The following CHD7 variants were observed in gnomAD, a reference collection of about 807,000 sequenced individuals.
The protein encoded by CHD7 is chromodomain helicase DNA binding protein 7, also known as ATP-dependent chromatin remodeler CHD7.
Under a neutral mutation model 307.3 loss-of-function variants are expected in CHD7, and 24 were observed. The observed-to-expected ratio is 0.08, with a 90% CI of 0.06 to 0.11. CHD7 has a LOEUF of 0.11. Among genes scored for constraint, CHD7 ranks in the 10% least tolerant of loss-of-function variants. The probability of loss-of-function intolerance (pLI) is 1.00; values close to 1 mark genes in which losing one functional copy is unlikely to be tolerated. For synonymous variants in CHD7, 1,363 were observed against 1,349.9 expected, an observed-to-expected ratio of 1.01 and a Z score of -0.21; for missense variants, 3,106 against 3,727.1, an observed-to-expected ratio of 0.83 and a Z score of 4.34.
At chr8:60,740,251 C>T (rs1175568747) in intron 1 of CHD7, among the ~76,000 whole-genome samples, 2 of 152,198 alleles carry the variant, frequency 1.3e-5, no homozygotes, top group African/African-American at 2.4e-5. Flanking sequence ...CCTGCCTTGT[C>T]CCAAAAGGAC....
At chr8:60,744,511 GATA>G (rs1809223861) in intron 2 of CHD7, among the ~76,000 whole-genome samples, 1 of 121,858 alleles carries the variant, frequency 8.2e-6, no homozygotes, top group African/African-American at 3.4e-5. Flanking sequence ...TTTTAGTGGT[GATA>G]ATTGTCTTCT....
At chr8:60,718,147 T>A (rs1260872168) in intron 1 of CHD7, among the ~76,000 whole-genome samples, 1 of 152,122 alleles carries the variant, frequency 6.6e-6, no homozygotes, top group Admixed American at 6.5e-5. Context: ...CCTGTGTAGG[T>A]CTAGGCTAAT....
chr8:60,719,680 C>A (rs1353534583), intron 1 of CHD7, among the ~76,000 whole-genome samples: 1 of 152,096 alleles, frequency 6.6e-6, no homozygotes, highest in Non-Finnish European at 1.5e-5. Context: ...ACTGGGGGAC[C>A]CTCCTCATTC....
At chr8:60,828,932 T>G (rs1338762115) in intron 14 of CHD7, 126 bp downstream of exon 14, 3 of 779,064 alleles carry the variant, frequency 3.9e-6, no homozygotes, top group Non-Finnish European at 4.0e-6. Flanking sequence ...CACAGAACCT[T>G]AGATACCCTT....
At chr8:60,844,507 C>G (rs940772363) in intron 21 of CHD7, among the ~76,000 whole-genome samples, 1 of 152,122 alleles carries the variant, frequency 6.6e-6, no homozygotes, top group South Asian at 2.1e-4. Flanking sequence ...TGGTCAACAT[C>G]AAAATGTACT....
chr8:60,728,515 A>C (rs144009892), intron 1 of CHD7, among the ~76,000 whole-genome samples: 1 of 152,304 alleles, frequency 6.6e-6, no homozygotes, highest in East Asian at 1.9e-4. Context: ...AGTGAGAGAC[A>C]TAAAAGGCAA....
At chr8:60,698,376 A>T (rs1039097667) in intron 1 of CHD7, among the ~76,000 whole-genome samples, 8 of 152,166 alleles carry the variant, frequency 5.3e-5, no homozygotes, top group African/African-American at 1.4e-4. Context: ...ATGTCAGAGA[A>T]TCCTCCTCCA....
Position 60,853,395 on chromosome 8 carries a change from G to C in CHD7, c.6670G>C (p.Gly2224Arg). The change falls in exon 31 of 38, where the codon GGC (glycine) becomes CGC (arginine). Residue 2224 changes from glycine to arginine, a missense_variant. Transcript: ENST00000423902. ...AAATGAACTGAAAGGTGTTGAGGTCGGCGCAGACACTGGGTCCAAATCTAT... is the reference window on the plus strand; with the variant it reads ...AAATGAACTGAAAGGTGTTGAGGTCCGCGCAGACACTGGGTCCAAATCTAT... Reference protein sequence around the residue: ...VKNELKGVEVGADTGSKSISE... With the variant: ...VKNELKGVEVRADTGSKSISE... The C allele has an allele frequency of 6.5e-7, 1 of 1,536,582 alleles. No individual in the cohort carries two copies. Among genetic ancestry groups the C allele is most frequent in the Non-Finnish European group, 8.7e-7 (1 of 1,145,716 alleles).
intron 2 of CHD7, among the ~76,000 whole-genome samples, chr8:60,769,757 A>G (rs1457086594): frequency 1.3e-5 from 2 of 152,186 alleles, no homozygotes; most frequent in Admixed American, 1.3e-4. Flanking sequence ...TGTGATTCTA[A>G]TACTGTGACT....
Position 60,844,955 on chromosome 8 carries a change from G to C in CHD7, c.4942G>C (p.Val1648Leu). The change falls in exon 22 of 38, where the codon GTG (valine) becomes CTG (leucine). Residue 1648 changes from valine to leucine, a missense_variant. Around this residue, in one of 10 missense-constraint regions of CHD7, gnomAD observed 28 missense variants for 64.7 expected, o/e 0.43. Transcript: ENST00000423902. ...DVETICRTIL[V>L]YCLNHYKGDE... ...AGAAACCATCTGCAGAACCATCCTG[G>C]TGTACTGTCTTAATCATTACAAAGG... 1 of 1,613,912 alleles carries C rather than the reference G, an allele frequency of 6.2e-7. No homozygotes were observed. The highest frequency in any genetic ancestry group is 1.3e-5 in the African/African-American group (1 of 75,036).
chr8:60,800,365 A>C (rs757413228), intron 4 of CHD7, 23 bp from the exon 5 acceptor site: 58 of 1,608,702 alleles, frequency 3.6e-5, no homozygotes, highest in Non-Finnish European at 4.3e-5. Flanking sequence ...TTTCAAGGCC[A>C]CTGTCTTGGG....
At position 60,865,306 on chromosome 8, in the gene CHD7, G is replaced by T; in HGVS notation, c.8367G>T (p.Ala2789=). Residue 2789 remains alanine, a synonymous_variant, in exon 38 of 38, where the codon GCG becomes GCT. Transcript: ENST00000423902. This position sits in a 1 kb window ranked among gnomAD's most constrained non-coding sequence, Gnocchi z 4.3. ...LATAATAGGD[A]KNPAAVLPLM... is the part of the protein sequence containing the mutation. The stretch of plus-strand genomic sequence containing the variant: ...CAGCTGCCACCGCCGGAGGCGATGC[G>T]AAGAACCCTGCTGCTGTGCTGCCCC... 6.2e-7 allele frequency: 1 copy of T among 1,611,196 alleles called. No homozygotes were observed. Among genetic ancestry groups the T allele is most frequent in the South Asian group, 1.1e-5 (1 of 90,602 alleles).
chr8:60,787,947 A>G (rs1425536636), intron 3 of CHD7, among the ~76,000 whole-genome samples: 1 of 149,492 alleles, frequency 6.7e-6, no homozygotes, highest in Non-Finnish European at 1.5e-5. Context: ...CAGCCTCCCT[A>G]GTAGCTTGGG....
chr8:60,735,900 CT>C (rs2150569123), intron 1 of CHD7, among the ~76,000 whole-genome samples: 1 of 152,290 alleles, frequency 6.6e-6, no homozygotes, highest in South Asian at 2.1e-4. Context: ...TTGAATGTGG[CT>C]TGTGCGACTA....
At position 60,742,831 on chromosome 8, in the gene CHD7, G is replaced by A; in HGVS notation, c.1399G>A (p.Ala467Thr). ...TCGTCCATTTATAGGCATGTCCTCG[G>A]CACCAAGGGAATTGACTGGGCACAT... The part of the protein sequence containing the change: ...QSRPFIGMSS[A>T]PRELTGHMRP... The change falls in exon 2 of 38, where the codon GCA becomes ACA. Residue 467 changes from alanine (A) to threonine (T), a missense_variant. Transcript: ENST00000423902. The A allele has an allele frequency of 6.2e-7, 1 of 1,613,492 alleles. No homozygotes were observed. Among genetic ancestry groups the A allele is most frequent in the Non-Finnish European group, 8.5e-7 (1 of 1,179,630 alleles).
chr8:60,698,949 G>C (rs184036850), intron 1 of CHD7, among the ~76,000 whole-genome samples: 240 of 152,206 alleles, frequency 1.6e-3, no homozygotes, highest in African/African-American at 5.4e-3. Flanking sequence ...ACCATGCCTG[G>C]CTAGTTTGTA....
At chr8:60,775,508 A>G (rs1810909231) in intron 2 of CHD7, among the ~76,000 whole-genome samples, 1 of 152,234 alleles carries the variant, frequency 6.6e-6, no homozygotes, top group Non-Finnish European at 1.5e-5. Context: ...TGAGAAAGAC[A>G]GATGGACAGA....
chr8:60,816,363 A>G, intron 7 of CHD7, 24 bp from the exon 8 acceptor site: 5 of 1,211,680 alleles, frequency 4.1e-6, no homozygotes, highest in Non-Finnish European at 6.0e-6. Flanking sequence ...TACATATTTC[A>G]AGGATATTGT....
chr8:60,736,830 A>G (rs973736957), intron 1 of CHD7, among the ~76,000 whole-genome samples: 4 of 152,196 alleles, frequency 2.6e-5, no homozygotes, highest in African/African-American at 9.6e-5. Context: ...GTATTCACCT[A>G]TCTCCTTGCT....
Sources: allele counts gnomAD v4.1 joint callset (sites outside exome capture counted in the v4.1 genomes callset), GRCh38; gene constraint gnomAD v4.1.1; regional missense constraint gnomAD v4.1.1; non-coding constraint Gnocchi (gnomAD v3.1); transcripts MANE v1.5; gene names NCBI Gene and HGNC (gene_info 2026-07-23, HGNC 2026-07-21).